The following ABL2 variants were observed in gnomAD, a reference collection of about 807,000 sequenced individuals.
ABL2 encodes ABL proto-oncogene 2, non-receptor tyrosine kinase.
Under a neutral mutation model 107.7 loss-of-function variants are expected in ABL2, and 49 were observed. The observed-to-expected ratio is 0.45, with a 90% CI of 0.36 to 0.58. The LOEUF (loss-of-function observed/expected upper bound fraction) is 0.58, where lower values mean the gene tolerates loss of function less well. Ranked by LOEUF, ABL2 falls within the 20% of genes least tolerant of loss-of-function variation. ABL2 has a pLI of 0.00. For missense variants in ABL2, 1,245 were observed against 1,457.0 expected (o/e 0.85, Z 2.37); for synonymous variants, 549 against 548.6 (o/e 1.00, Z -0.01).
At chr1:179,137,960 T>C (rs1317698529) in intron 1 of ABL2, 1 of 152,264 alleles carries the variant, frequency 6.6e-6, no homozygotes, top group Non-Finnish European at 1.5e-5. Flanking sequence ...CATGAACCCC[T>C]CTGCTGTCAG....
intron 1 of ABL2, among the ~76,000 whole-genome samples, chr1:179,160,975 C>A (rs1659030728): frequency 6.6e-6 from 1 of 152,080 alleles, no homozygotes; most frequent in African/African-American, 2.4e-5. Flanking sequence ...CTCAAGCAAT[C>A]CTCCCACCTC....
chr1:179,194,840 A>AC (rs1251003257), intron 1 of ABL2, among the ~76,000 whole-genome samples: 2 of 152,236 alleles, frequency 1.3e-5, no homozygotes, highest in African/African-American at 4.8e-5. Context: ...TGGCACTATA[A>AC]AACAAAGACC....
chr1:179,122,645 ATTTC>A (rs1055854573), intron 4 of ABL2, among the ~76,000 whole-genome samples: 3 of 151,528 alleles, frequency 2.0e-5, no homozygotes, highest in South Asian at 4.2e-4. Context: ...TCAAATATAT[ATTTC>A]TTTTTCTTTT....
chr1:179,131,240 G>A lies in ABL2; in HGVS notation c.391+71C>T, dbSNP rs373930310. The A allele has an allele frequency of 7.1e-4, 1,086 of 1,524,974 alleles. 22 individuals carry two copies. The South Asian group carries it at 0.012, about 17-fold the overall frequency. The allele number at this position is 1,524,974 out of a possible 1,614,324, so 94.5% of individuals were successfully genotyped here. ...ATTATAGGTGTGAGCCACTGTGCCT[G>A]GCCAGGCCCCTTTATCTCTTAATCA... On this transcript the variant is annotated intron_variant, in intron 3 of 11. Coordinates refer to ENST00000502732, the MANE Select transcript of ABL2 (RefSeq NM_007314.4).
chr1:179,134,715 T>A lies in ABL2; in HGVS notation c.158-1341A>T, dbSNP rs568294935. Among the ~76,000 whole-genome samples the A allele has an allele frequency of 1.5e-4, 9 of 59,588 alleles. No individual in the cohort carries two copies. In the South Asian group the frequency reaches 4.0e-3, roughly 26 times the overall value. The allele number at this position is 59,588 out of a possible 152,430, so 39.1% of individuals were successfully genotyped here. A position where few individuals can be genotyped will look rare whatever the true frequency, so the allele number is the denominator to read the frequency against. ...AGGTGAAAATTGCAGCCTCAGCCTC[T>A]CCCTCTCCCTCTCCCTCTCCACGGT... On this transcript the variant is annotated intron_variant, in intron 1 of 11. Transcript: ENST00000502732.
At chr1:179,170,671 C>T (rs951793018) in intron 1 of ABL2, among the ~76,000 whole-genome samples, 2 of 152,076 alleles carry the variant, frequency 1.3e-5, no homozygotes, top group African/African-American at 2.4e-5. Flanking sequence ...CTCAGGTCAC[C>T]GCAACCTCCA....
At chr1:179,138,937 G>A (rs932924464) in intron 1 of ABL2, among the ~76,000 whole-genome samples, 7 of 152,196 alleles carry the variant, frequency 4.6e-5, no homozygotes, top group African/African-American at 1.4e-4. Context: ...ACTCACACTC[G>A]GAGCAGCCAG....
In ABL2 at chr1:179,099,885, G is replaced by A. The variant is rs572950499; in HGVS notation, c.*7833C>T. The A allele has an allele frequency of 4.3e-6, 1 of 232,666 alleles. No individual in the cohort carries two copies. Among genetic ancestry groups the A allele is most frequent in the South Asian group, 1.8e-4 (1 of 5,536 alleles). 14.4% of individuals were successfully genotyped at this position (232,666 alleles called of 1,614,324 possible). A position where few individuals can be genotyped will look rare whatever the true frequency, so the allele number is the denominator to read the frequency against. On this transcript the variant is annotated 3_prime_UTR_variant, in exon 12 of 12. Coordinates refer to ENST00000502732, the MANE Select transcript of ABL2 (RefSeq NM_007314.4). ...GTCTGGGAGGAGATGGAGGTTCTGA[G>A]TATACATCAACAGCTAAGTCAGCCT...
intron 1 of ABL2, among the ~76,000 whole-genome samples, chr1:179,224,545 A>G (rs911832046): frequency 6.6e-6 from 1 of 151,244 alleles, no homozygotes; most frequent in African/African-American, 2.4e-5. Flanking sequence ...CTGGGATTAT[A>G]GGTGTGAGCC....
intron 1 of ABL2, among the ~76,000 whole-genome samples, chr1:179,204,066 G>T (rs966719405): frequency 9.9e-5 from 15 of 151,688 alleles, no homozygotes; most frequent in Admixed American, 7.9e-4. Flanking sequence ...TCGCTCTGTC[G>T]CCCAGGCTGG....
At chr1:179,152,596 G>A (rs185106778) in intron 1 of ABL2, among the ~76,000 whole-genome samples, 26 of 152,252 alleles carry the variant, frequency 1.7e-4, no homozygotes, top group Admixed American at 9.2e-4. Context: ...ATAAAATAAG[G>A]TGAAATATAT....
chr1:179,108,923 T>C lies in ABL2; in HGVS notation c.2344A>G (p.Asn782Asp), dbSNP rs769673794. 2 of 1,614,154 alleles carry C rather than the reference T, an allele frequency of 1.2e-6. No homozygotes were observed. The highest frequency in any genetic ancestry group is 2.2e-5 in the South Asian group (2 of 91,070). ...CCTGAGGACATGGAAGATGTAGAGTTTGACCTTGGAAAAGGCTTGGAAGTG... is the reference window on the plus strand; with the variant it reads ...CCTGAGGACATGGAAGATGTAGAGTCTGACCTTGGAAAAGGCTTGGAAGTG... ...DDTSKPFPRS[N>D]STSSMSSGLP... is the part of the protein sequence containing the mutation. The change falls in exon 12 of 12, where the codon AAC (asparagine) becomes GAC (aspartate). Residue 782 changes from asparagine (N) to aspartate (D), a missense_variant. Physicochemically the swap from Asn to Asp is conservative, Grantham distance 23. Coordinates refer to ENST00000502732, the MANE Select transcript of ABL2 (RefSeq NM_007314.4).
At chr1:179,132,703 C>A (rs981641338) in intron 2 of ABL2, among the ~76,000 whole-genome samples, 6 of 151,938 alleles carry the variant, frequency 3.9e-5, no homozygotes, top group Non-Finnish European at 8.8e-5. Flanking sequence ...CCATACCCAG[C>A]TAATTTTTCT....
chr1:179,220,758 C>T (rs996966811), intron 1 of ABL2, among the ~76,000 whole-genome samples: 17 of 152,170 alleles, frequency 1.1e-4, no homozygotes, highest in Admixed American at 1.3e-4. Flanking sequence ...GCTGAATGTT[C>T]AACTGGTGAA....
intron 1 of ABL2, chr1:179,137,908 C>A (rs1657189507): frequency 6.6e-6 from 1 of 152,176 alleles, no homozygotes; most frequent in Admixed American, 6.5e-5. Context: ...GCCTTACATC[C>A]ACAGCAAGTT....
chr1:179,155,260 GTGA>G (rs1472683014), intron 1 of ABL2, among the ~76,000 whole-genome samples: 1 of 152,180 alleles, frequency 6.6e-6, no homozygotes, highest in African/African-American at 2.4e-5. Flanking sequence ...GCCTATACAC[GTGA>G]TGATATTTAA....
chr1:179,153,255 G>C (rs563521726), intron 1 of ABL2, among the ~76,000 whole-genome samples: 1 of 152,044 alleles, frequency 6.6e-6, no homozygotes, highest in Admixed American at 6.6e-5. Flanking sequence ...CCTAGGTGAA[G>C]TCATTCACAT....
At chr1:179,165,057 T>G (rs979170379) in intron 1 of ABL2, among the ~76,000 whole-genome samples, 2 of 152,244 alleles carry the variant, frequency 1.3e-5, no homozygotes, top group Non-Finnish European at 2.9e-5. Context: ...TATCTTGTGC[T>G]GTACTCACCC....
At chr1:179,123,489 A>G (rs903043639) in intron 4 of ABL2, among the ~76,000 whole-genome samples, 7 of 152,276 alleles carry the variant, frequency 4.6e-5, no homozygotes, top group African/African-American at 1.7e-4. Context: ...TGGGTGACAG[A>G]GCAAGACTCC....
Sources: gnomAD v4.1 joint callset for allele counts (sites outside exome capture counted in the v4.1 genomes callset) on GRCh38, gnomAD v4.1.1 for gene constraint, MANE v1.5 for transcripts, NCBI Gene and HGNC (gene_info 2026-07-23, HGNC 2026-07-21) for gene names.